Variants in ADAT2 observed in about 807,000 individuals in gnomAD.
The protein encoded by ADAT2 is adenosine deaminase tRNA specific 2.
In ADAT2, 26 loss-of-function variants were observed where a neutral mutation model predicts 25.9. The ratio of observed to expected loss-of-function variants is 1.00; its 90% CI spans 0.74 to 1.39. The LOEUF (loss-of-function observed/expected upper bound fraction) is 1.39, where lower values mean the gene tolerates loss of function less well. Among genes scored for constraint, ADAT2 ranks in the 40% most tolerant of loss-of-function variants. ADAT2 has a pLI of 0.00. For synonymous variants in ADAT2, 76 were observed against 86.8 expected (o/e 0.88, Z 0.69); for missense variants, 220 against 244.8 (o/e 0.90, Z 0.68).
chr6:143,450,664 G>C lies in ADAT2; in HGVS notation c.-6C>G. The C allele has an allele frequency of 6.2e-7, 1 of 1,612,960 alleles. No homozygotes were observed. The highest frequency in any genetic ancestry group is 8.5e-7 in the Non-Finnish European group (1 of 1,179,978). On this transcript the variant is annotated 5_prime_UTR_variant, in exon 1 of 6. Transcript: ENST00000237283. ...GGTGCCGCCTTCGCCTCCATACCCAGCCACCACTCAGCTACAGAGCCCGCG... is the reference window on the plus strand; with the variant it reads ...GGTGCCGCCTTCGCCTCCATACCCACCCACCACTCAGCTACAGAGCCCGCG...
At position 143,426,920 on chromosome 6, in the gene ADAT2, A is replaced by G. The variant is rs1032667174; in HGVS notation, c.*1543T>C. 6.6e-6 allele frequency: 1 copy of G among 151,994 alleles called. No homozygotes were observed. The highest frequency in any genetic ancestry group is 6.5e-5 in the Admixed American group (1 of 15,278). The allele number at this position is 151,994 out of a possible 1,614,324, so 9.4% of individuals were successfully genotyped here. Reference sequence around the variant, plus strand: ...AAATGCAATGAAATCTGCTTGCAGGAAAGCATAAGAAGCCAGAAATGAATT... The same window carrying G: ...AAATGCAATGAAATCTGCTTGCAGGGAAGCATAAGAAGCCAGAAATGAATT... On this transcript the variant is annotated 3_prime_UTR_variant, in exon 6 of 6. Transcript: ENST00000237283. This position sits in a 1 kb window ranked among gnomAD's most constrained non-coding sequence, Gnocchi z 4.1.
rs1258525462 is a variant in ADAT2 at position 143,432,337 on chromosome 6, G to A, written c.459+168C>T. ...GGCACTCATCTAGAAACTCTTCCCT[G>A]TCATCTTATACTGAGGCATAAATGA... is the stretch of plus-strand genomic sequence containing the variant. On this transcript the variant is annotated intron_variant, in intron 4 of 5. Transcript: ENST00000237283. The surrounding 1 kb of genome is among the most constrained non-coding windows in gnomAD (Gnocchi z 4.4). 6.6e-6 allele frequency among the ~76,000 whole-genome samples: 1 copy of A among 152,140 alleles called. No individual in the cohort carries two copies.
intron 2 of ADAT2, among the ~76,000 whole-genome samples, chr6:143,435,745 G>A (rs577363725): frequency 6.6e-6 from 1 of 152,266 alleles, no homozygotes; most frequent in East Asian, 1.9e-4. Flanking sequence ...CAACATGAAT[G>A]TAATTAAAAC....
Position 143,432,653 on chromosome 6 carries a change from G to GT in ADAT2, c.353-43dup. On this transcript the variant is annotated intron_variant, in intron 3 of 5. Transcript: ENST00000237283. The surrounding 1 kb of genome is among the most constrained non-coding windows in gnomAD (Gnocchi z 4.4). ...GTCCTGCATAGAATGTACATTTCAAGTATGTATCGTGACAAAATCAGAGTA... is the reference window on the plus strand; with the variant it reads ...GTCCTGCATAGAATGTACATTTCAAGTTATGTATCGTGACAAAATCAGAGTA... 6.3e-7 allele frequency: 1 copy of GT among 1,586,750 alleles called. No individual in the cohort carries two copies. The highest frequency in any genetic ancestry group is 8.7e-7 in the Non-Finnish European group (1 of 1,155,416).
At position 143,428,389 on chromosome 6, in the gene ADAT2, G is replaced by A. The variant is rs886700349; in HGVS notation, c.*74C>T. The A allele has an allele frequency of 4.7e-6, 7 of 1,482,632 alleles. No homozygotes were observed. In the Admixed American group the frequency reaches 5.6e-5, roughly 12 times the overall value. 91.8% of individuals were successfully genotyped at this position (1,482,632 alleles called of 1,614,324 possible). On this transcript the variant is annotated 3_prime_UTR_variant, in exon 6 of 6. Coordinates refer to ENST00000237283, the MANE Select transcript of ADAT2 (RefSeq NM_182503.3). The surrounding 1 kb of genome is among the most constrained non-coding windows in gnomAD (Gnocchi z 5.0). ...ACAATATATAAACATATGATTCAAC[G>A]ATGTCAACAGCTTTCAGTCTATGAA... is the stretch of plus-strand genomic sequence containing the variant.
chr6:143,439,053 T>C (rs1156736878), intron 1 of ADAT2, among the ~76,000 whole-genome samples: 1 of 152,144 alleles, frequency 6.6e-6, no homozygotes, highest in Non-Finnish European at 1.5e-5. Flanking sequence ...GGGGACTAAA[T>C]AACACTTATA....
chr6:143,446,832 C>CGG lies in ADAT2; in HGVS notation c.96+3730_96+3731insCC. 2.0e-5 allele frequency among the ~76,000 whole-genome samples: 3 copies of CGG among 152,186 alleles called. No individual in the cohort carries two copies. Among genetic ancestry groups the CGG allele is most frequent in the African/African-American group, 7.2e-5 (3 of 41,446 alleles). Reference sequence around the variant, plus strand: ...TGAAAATGAGGACCATAATAATACTCACCTGATAGGGCTTCTGTGGGGCTT... The same window carrying CGG: ...TGAAAATGAGGACCATAATAATACTCGGACCTGATAGGGCTTCTGTGGGGCTT... On this transcript the variant is annotated intron_variant, in intron 1 of 5. Transcript: ENST00000237283. The surrounding 1 kb of genome is among the most constrained non-coding windows in gnomAD (Gnocchi z 5.0).
At chr6:143,443,068 T>G (rs893943813) in intron 1 of ADAT2, among the ~76,000 whole-genome samples, 1 of 152,190 alleles carries the variant, frequency 6.6e-6, no homozygotes, top group Non-Finnish European at 1.5e-5. Flanking sequence ...ATTTAAGCAT[T>G]TTATAAGTAT....
chr6:143,431,564 A>C (rs1342438149), intron 4 of ADAT2, among the ~76,000 whole-genome samples: 1 of 152,222 alleles, frequency 6.6e-6, no homozygotes, highest in Non-Finnish European at 1.5e-5. Flanking sequence ...TTTCTGATGT[A>C]ATGTTAAACA....
chr6:143,446,626 G>T lies in ADAT2; in HGVS notation c.96+3937C>A, dbSNP rs1354004577. Among the ~76,000 whole-genome samples, 1 of 152,036 alleles carries T rather than the reference G, an allele frequency of 6.6e-6. No individual in the cohort carries two copies. Among genetic ancestry groups the T allele is most frequent in the Non-Finnish European group, 1.5e-5 (1 of 68,000 alleles). ...AGTAGATACACAGTATTCAGGTAAA[G>T]AAACTGAAAAGGAAGAAAGAGAGCA... is the stretch of plus-strand genomic sequence containing the variant. On this transcript the variant is annotated intron_variant, in intron 1 of 5. Coordinates refer to ENST00000237283, the MANE Select transcript of ADAT2 (RefSeq NM_182503.3). This position sits in a 1 kb window ranked among gnomAD's most constrained non-coding sequence, Gnocchi z 5.0.
chr6:143,440,677 G>A lies in ADAT2; in HGVS notation c.97-1983C>T, dbSNP rs902983981. Among the ~76,000 whole-genome samples the A allele has an allele frequency of 2.0e-5, 3 of 152,142 alleles. No individual in the cohort carries two copies. The highest frequency in any genetic ancestry group is 7.2e-5 in the African/African-American group (3 of 41,426). Reference sequence around the variant, plus strand: ...TTCAAAAGGCTTGAAGAGTCCCGAGGTTTGGTTAATATAGACAAATGCACC... The same window carrying A: ...TTCAAAAGGCTTGAAGAGTCCCGAGATTTGGTTAATATAGACAAATGCACC... On this transcript the variant is annotated intron_variant, in intron 1 of 5. Transcript: ENST00000237283. This position sits in a 1 kb window ranked among gnomAD's most constrained non-coding sequence, Gnocchi z 4.5.
chr6:143,430,239 G>C (rs539444796), intron 4 of ADAT2, among the ~76,000 whole-genome samples: 1 of 152,146 alleles, frequency 6.6e-6, no homozygotes, highest in South Asian at 2.1e-4. Context: ...CACTCCACTC[G>C]CACACTCAGA....
intron 4 of ADAT2, among the ~76,000 whole-genome samples, chr6:143,430,840 C>T (rs1267792225): frequency 6.6e-6 from 1 of 152,170 alleles, no homozygotes; most frequent in Non-Finnish European, 1.5e-5. Flanking sequence ...GCTGGGATTA[C>T]AGGCATGAGC....
Position 143,442,607 on chromosome 6 carries a change from C to T in ADAT2, c.97-3913G>A, listed in dbSNP as rs762650367. Among the ~76,000 whole-genome samples the T allele has an allele frequency of 1.3e-5, 2 of 151,960 alleles. No homozygotes were observed. The highest frequency in any genetic ancestry group is 4.8e-5 in the African/African-American group (2 of 41,360). On this transcript the variant is annotated intron_variant, in intron 1 of 5. Coordinates refer to ENST00000237283, the MANE Select transcript of ADAT2 (RefSeq NM_182503.3). This position sits in a 1 kb window ranked among gnomAD's most constrained non-coding sequence, Gnocchi z 4.6. ...TGAACTATAGCTATGCAAGATGTTA[C>T]CACTGAAGGACACTAGACACTTGGG...
chr6:143,448,598 C>T (rs1037102254), intron 1 of ADAT2, among the ~76,000 whole-genome samples: 2 of 152,112 alleles, frequency 1.3e-5, no homozygotes, highest in African/African-American at 2.4e-5. Context: ...AAATTGCTTT[C>T]ACTTTTGCCA....
chr6:143,429,578 G>A (rs970765390), intron 4 of ADAT2, among the ~76,000 whole-genome samples: 5 of 152,192 alleles, frequency 3.3e-5, no homozygotes, highest in African/African-American at 1.2e-4. Context: ...CCTGGGTTGT[G>A]TGTGAGGAAA....
Position 143,432,576 on chromosome 6 carries a change from G to T in ADAT2, c.388C>A (p.Arg130=), listed in dbSNP as rs773519162. ...AGAACAGAGCCACAACCACCAAATCGTTCATTCTGACAGCCATATACAACC... is the reference window on the plus strand; with the variant it reads ...AGAACAGAGCCACAACCACCAAATCTTTCATTCTGACAGCCATATACAACC... ...PLVVYGCQNE[R]FGGCGSVLNI... Residue 130 remains arginine (R), a synonymous_variant, in exon 4 of 6, where the codon CGA becomes AGA. Transcript: ENST00000237283. This position sits in a 1 kb window ranked among gnomAD's most constrained non-coding sequence, Gnocchi z 4.4. 8.7e-6 allele frequency: 14 copies of T among 1,614,158 alleles called. No individual in the cohort carries two copies. Among genetic ancestry groups the T allele is most frequent in the Non-Finnish European group, 1.2e-5 (14 of 1,180,014 alleles).
chr6:143,450,238 T>G (rs888285637), intron 1 of ADAT2, among the ~76,000 whole-genome samples: 1 of 152,048 alleles, frequency 6.6e-6, no homozygotes, highest in East Asian at 1.9e-4. Context: ...CCTCAAATAA[T>G]GTGACTTTGT....
At chr6:143,431,515 A>G (rs768057882) in intron 4 of ADAT2, among the ~76,000 whole-genome samples, 4 of 152,222 alleles carry the variant, frequency 2.6e-5, no homozygotes, top group East Asian at 1.9e-4. Context: ...GATCAAACCA[A>G]TTGTATCCTT....
Sources: allele counts gnomAD v4.1 joint callset (sites outside exome capture counted in the v4.1 genomes callset), GRCh38; gene constraint gnomAD v4.1.1; non-coding constraint Gnocchi (gnomAD v3.1); transcripts MANE v1.5; gene names NCBI Gene and HGNC (gene_info 2026-07-23, HGNC 2026-07-21).